Variants in CNTNAP3B observed in about 807,000 individuals in gnomAD.
CNTNAP3B encodes the protein contactin-associated protein-like 3B.
A neutral mutation model predicts 108.9 loss-of-function variants in CNTNAP3B; 25 were observed. That is an observed-to-expected ratio of 0.23 (90% CI 0.17 to 0.32). CNTNAP3B has a LOEUF of 0.32. Among genes scored for constraint, CNTNAP3B ranks in the 10% least tolerant of loss-of-function variants. The probability of loss-of-function intolerance (pLI) is 1.00; values close to 1 mark genes in which losing one functional copy is unlikely to be tolerated. For synonymous variants in CNTNAP3B, 103 were observed against 473.4 expected, an observed-to-expected ratio of 0.22 and a Z score of 10.16; for missense variants, 252 against 1,210.4, an observed-to-expected ratio of 0.21 and a Z score of 11.75.
intron 12 of CNTNAP3B, among the ~76,000 whole-genome samples, chr9:41,954,841 A>G (rs967941783): frequency 6.6e-6 from 1 of 152,150 alleles, no homozygotes; most frequent in African/African-American, 2.4e-5. Context: ...ACACCACCAC[A>G]CCTGGCTAAT....
chr9:42,056,326 T>TTTTTTATTATTATTA (rs1554753495), intron 3 of CNTNAP3B, among the ~76,000 whole-genome samples: 8 of 129,126 alleles, frequency 6.2e-5, no homozygotes, highest in African/African-American at 2.1e-4. Flanking sequence ...TCTCATGAAT[T>TTTTTTATTATTATTA]TTATTATTAT....
intron 9 of CNTNAP3B, among the ~76,000 whole-genome samples, chr9:41,976,678 G>T (rs1825520495): frequency 9.7e-6 from 1 of 103,324 alleles, no homozygotes; most frequent in South Asian, 2.9e-4. Context: ...CACTTTGGGA[G>T]GCTGAGGTGG....
At chr9:41,966,716 C>T (rs1404327417) in intron 10 of CNTNAP3B, among the ~76,000 whole-genome samples, 1 of 152,222 alleles carries the variant, frequency 6.6e-6, no homozygotes, top group East Asian at 1.9e-4. Context: ...GCCTGTAATC[C>T]CAGAACTTTG....
intron 9 of CNTNAP3B, chr9:41,979,834 C>T (rs1170410258): frequency 4.9e-5 from 6 of 122,986 alleles, no homozygotes; most frequent in Admixed American, 1.7e-4. Flanking sequence ...GGTGATCCGC[C>T]GGCCTCAGCC....
intron 3 of CNTNAP3B, among the ~76,000 whole-genome samples, chr9:42,056,326 T>TA (rs1554753496): frequency 7.7e-6 from 1 of 129,128 alleles, no homozygotes; most frequent in Non-Finnish European, 1.6e-5. Flanking sequence ...TCTCATGAAT[T>TA]TTATTATTAT....
rs1369546163 is a variant in CNTNAP3B, at chr9:42,115,431, C to T, written c.86-10692G>A. On this transcript the variant is annotated intron_variant, in intron 1 of 23. Transcript: ENST00000377561. ...ACTGCCTCCTTAAGTGGGTCCCTGA[C>T]CCCTGCGTAGCCTAACTGGGAGACA... 1.4e-5 allele frequency among the ~76,000 whole-genome samples: 2 copies of T among 138,646 alleles called. 1 individual carries two copies. Among genetic ancestry groups the T allele is most frequent in the East Asian group, 4.4e-4 (2 of 4,526 alleles). The allele number at this position is 138,646 out of a possible 152,430, so 91.0% of individuals were successfully genotyped here. A position where few individuals can be genotyped will look rare whatever the true frequency, so the allele number is the denominator to read the frequency against.
At chr9:41,918,174 G>T (rs1455971325) in intron 18 of CNTNAP3B, among the ~76,000 whole-genome samples, 3 of 150,432 alleles carry the variant, frequency 2.0e-5, no homozygotes, top group Non-Finnish European at 4.4e-5. Flanking sequence ...TTTAAAAATC[G>T]ATTTACTTTG....
intron 13 of CNTNAP3B, among the ~76,000 whole-genome samples, chr9:41,951,867 AGGAGTTC>A (rs1179540932): frequency 9.9e-5 from 15 of 152,242 alleles, no homozygotes; most frequent in Non-Finnish European, 1.8e-4. Context: ...ACCTGAGGTC[AGGAGTTC>A]AAGAACAGCC....
At chr9:41,963,672 C>T (rs1158071288) in intron 11 of CNTNAP3B, among the ~76,000 whole-genome samples, 1 of 151,542 alleles carries the variant, frequency 6.6e-6, no homozygotes, top group African/African-American at 2.4e-5. Context: ...AGAGTCTTTA[C>T]TTGCAACAGG....
intron 14 of CNTNAP3B, among the ~76,000 whole-genome samples, chr9:41,933,422 T>C (rs1186758546): frequency 6.6e-6 from 1 of 151,896 alleles, no homozygotes; most frequent in Non-Finnish European, 1.5e-5. Context: ...TCCACGACAG[T>C]AGTGAGTCAA....
At chr9:42,077,137 A>G in intron 2 of CNTNAP3B, 75 bp from the exon 3 acceptor site, 1 of 901,996 alleles carries the variant, frequency 1.1e-6, no homozygotes, top group Non-Finnish European at 1.6e-6. Context: ...AGATTAGAAA[A>G]CTATAAAATT....
At chr9:42,033,061 T>C (rs1460347622) in intron 3 of CNTNAP3B, among the ~76,000 whole-genome samples, 3 of 142,376 alleles carry the variant, frequency 2.1e-5, no homozygotes, top group African/African-American at 8.2e-5. Context: ...CAGCACTCCA[T>C]GTGAATGGCT....
At chr9:41,930,391 A>G (rs1429821460) in intron 14 of CNTNAP3B, among the ~76,000 whole-genome samples, 2 of 152,304 alleles carry the variant, frequency 1.3e-5, no homozygotes, top group Non-Finnish European at 2.9e-5. Context: ...AAAAATACAA[A>G]AATTAGCTGG....
rs1471361176 is a variant in CNTNAP3B, at chr9:42,110,589, G to A, written c.86-5850C>T. ...TCCTTTCTCAGACTGTCTCGATTAG[G>A]TCAAATTCACTAACTCCACAGCAGG... On this transcript the variant is annotated intron_variant, in intron 1 of 23. Coordinates refer to ENST00000377561, the MANE Select transcript of CNTNAP3B (RefSeq NM_001201380.3). Among the ~76,000 whole-genome samples the A allele has an allele frequency of 1.5e-5, 2 of 136,962 alleles. 1 individual carries two copies. The highest frequency in any genetic ancestry group is 5.8e-5 in the African/African-American group (2 of 34,204). The allele number at this position is 136,962 out of a possible 152,430, so 89.9% of individuals were successfully genotyped here. A position where few individuals can be genotyped will look rare whatever the true frequency, so the allele number is the denominator to read the frequency against.
chr9:41,941,347 A>G (rs1160908286), intron 13 of CNTNAP3B, among the ~76,000 whole-genome samples: 12 of 142,698 alleles, frequency 8.4e-5, no homozygotes, highest in Admixed American at 7.1e-4. Flanking sequence ...TTAAAAGTAA[A>G]AGGATGGAAA....
In CNTNAP3B at chr9:41,929,511, C is replaced by T. The variant is rs967603013; in HGVS notation, c.2238-67G>A. 16 of 1,492,606 alleles carry T rather than the reference C, an allele frequency of 1.1e-5. 2 individuals carry two copies. Among genetic ancestry groups the T allele is most frequent in the Middle Eastern group, 4.9e-4 (2 of 4,120 alleles). 92.5% of individuals were successfully genotyped at this position (1,492,606 alleles called of 1,614,324 possible). A position where few individuals can be genotyped will look rare whatever the true frequency, so the allele number is the denominator to read the frequency against. On this transcript the variant is annotated intron_variant, in intron 14 of 23. Transcript: ENST00000377561. ...ACATACGGGCAAAATTAACTCTGAT[C>T]TCTTATCTCAATTTGAAACTAACAT...
rs1184897111 is a variant in CNTNAP3B at position 42,095,796 on chromosome 9, C to G, written c.196+8833G>C. On this transcript the variant is annotated intron_variant, in intron 2 of 23. Transcript: ENST00000377561. ...TTCCTTCAGGGGTTCTTTTACTTCC[C>G]CTTCATCCCCAGAGTTAACTCTGGT... Among the ~76,000 whole-genome samples, 7 of 136,228 alleles carry G rather than the reference C, an allele frequency of 5.1e-5. 2 individuals are homozygous for G. In the East Asian group the frequency reaches 1.6e-3, roughly 30 times the overall value. The allele number at this position is 136,228 out of a possible 152,430, so 89.4% of individuals were successfully genotyped here. A position where few individuals can be genotyped will look rare whatever the true frequency, so the allele number is the denominator to read the frequency against.
intron 10 of CNTNAP3B, among the ~76,000 whole-genome samples, chr9:41,966,781 C>T (rs1825291761): frequency 6.6e-6 from 1 of 151,650 alleles, no homozygotes; most frequent in Non-Finnish European, 1.5e-5. Context: ...TCCTGGCTAA[C>T]ACGGTGAAAC....
rs1335103985 is a variant in CNTNAP3B, at chr9:41,957,684, T to G, written c.1876+3089A>C. ...ATTACAGCTTTTTCCATATTAATTATAGTTGTTTAAAGTCCTGGTCTGATA... is the reference window on the plus strand; with the variant it reads ...ATTACAGCTTTTTCCATATTAATTAGAGTTGTTTAAAGTCCTGGTCTGATA... On this transcript the variant is annotated intron_variant, in intron 12 of 23. Coordinates refer to ENST00000377561, the MANE Select transcript of CNTNAP3B (RefSeq NM_001201380.3). Among the ~76,000 whole-genome samples, 4 of 152,228 alleles carry G rather than the reference T, an allele frequency of 2.6e-5. No individual in the cohort carries two copies. In the East Asian group the frequency reaches 7.7e-4, roughly 29 times the overall value.
Sources: allele counts gnomAD v4.1 joint callset (sites outside exome capture counted in the v4.1 genomes callset), GRCh38; gene constraint gnomAD v4.1.1; transcripts MANE v1.5; gene names NCBI Gene and HGNC (gene_info 2026-07-23, HGNC 2026-07-21).